The following CTNND2 variants were observed in gnomAD, a reference collection of about 807,000 sequenced individuals.
CTNND2 encodes catenin delta 2, also known as catenin delta-2.
CTNND2 carries 22 observed loss-of-function variants against 144.4 expected under a neutral mutation model. The ratio of observed to expected loss-of-function variants is 0.15; its 90% CI spans 0.11 to 0.22. The LOEUF is 0.22. CTNND2 is among the 10% of genes least tolerant of loss of function. The probability of loss-of-function intolerance (pLI) is 1.00; values close to 1 mark genes in which losing one functional copy is unlikely to be tolerated. For missense variants in CTNND2, 1,353 were observed against 1,618.8 expected, an observed-to-expected ratio of 0.84 and a Z score of 2.82; for synonymous variants, 751 against 695.6, an observed-to-expected ratio of 1.08 and a Z score of -1.25.
At chr5:11,585,539 G>T (rs182773623) in intron 2 of CTNND2, among the ~76,000 whole-genome samples, 2 of 144,450 alleles carry the variant, frequency 1.4e-5, no homozygotes, top group Admixed American at 6.9e-5. Context: ...ATTCTCATTT[G>T]TTTGTTCAGT....
At chr5:11,614,216 C>A (rs1005748150) in intron 2 of CTNND2, among the ~76,000 whole-genome samples, 2 of 152,022 alleles carry the variant, frequency 1.3e-5, no homozygotes, top group African/African-American at 4.8e-5. Flanking sequence ...TACTGATCAC[C>A]TTTTATGTAG....
intron 2 of CTNND2, among the ~76,000 whole-genome samples, chr5:11,601,010 C>A (rs1779762861): frequency 6.6e-6 from 1 of 151,852 alleles, no homozygotes; most frequent in Non-Finnish European, 1.5e-5. Context: ...ATTTGACTTG[C>A]ATAAAACAGC....
intron 1 of CTNND2, among the ~76,000 whole-genome samples, chr5:11,819,645 A>T (rs1053139250): frequency 1.3e-5 from 2 of 152,136 alleles, no homozygotes; most frequent in East Asian, 3.9e-4. Flanking sequence ...AGACCTACTT[A>T]GCAGTGGGAA....
rs141233453 is a variant in CTNND2 at position 11,803,737 on chromosome 5, C to T, written c.38-71465G>A. On this transcript the variant is annotated intron_variant, in intron 1 of 21. Transcript: ENST00000304623. ...CCACAAACTGTTTTTCTCACTGTTT[C>T]AAAGGGAGATCCTACGACCCATTGA... is the stretch of plus-strand genomic sequence containing the variant. Among the ~76,000 whole-genome samples the T allele has an allele frequency of 2.3e-4, 35 of 152,304 alleles. 1 individual carries two copies. The South Asian group carries it at 5.8e-3, about 25-fold the overall frequency.
At chr5:11,461,874 G>C (rs1766255043) in intron 3 of CTNND2, among the ~76,000 whole-genome samples, 1 of 151,436 alleles carries the variant, frequency 6.6e-6, no homozygotes, top group Admixed American at 6.6e-5. Context: ...TCTGGGTAAA[G>C]CTTAAAAATC....
chr5:10,989,391 C>T (rs1738410520), intron 19 of CTNND2, among the ~76,000 whole-genome samples: 1 of 152,160 alleles, frequency 6.6e-6, no homozygotes, highest in South Asian at 2.1e-4. Flanking sequence ...TATGGATGCC[C>T]AGAGCCCATC....
intron 12 of CTNND2, among the ~76,000 whole-genome samples, chr5:11,130,298 G>C (rs1755455550): frequency 6.6e-6 from 1 of 152,054 alleles, no homozygotes; most frequent in South Asian, 2.1e-4. Flanking sequence ...CATCAGAAAG[G>C]GACGGAGGGC....
intron 10 of CTNND2, 69 bp downstream of exon 10, chr5:11,236,622 T>A: frequency 6.6e-7 from 1 of 1,511,400 alleles, no homozygotes; most frequent in Non-Finnish European, 9.1e-7. Flanking sequence ...CTTTTCCCCA[T>A]CAACATTAAG....
chr5:11,864,662 G>T (rs1217682277), intron 1 of CTNND2, among the ~76,000 whole-genome samples: 1 of 152,048 alleles, frequency 6.6e-6, no homozygotes, highest in Non-Finnish European at 1.5e-5. Flanking sequence ...TTGTAGGGGG[G>T]CTCTCCTTTG....
intron 2 of CTNND2, among the ~76,000 whole-genome samples, chr5:11,595,354 T>C (rs534999345): frequency 4.6e-5 from 7 of 152,266 alleles, no homozygotes; most frequent in South Asian, 2.1e-4. Flanking sequence ...AATAGAACCA[T>C]TGGTACTAAG....
chr5:11,018,222 C>T (rs1051205757), intron 17 of CTNND2, among the ~76,000 whole-genome samples, 164 bp from the exon 18 acceptor site: 3 of 152,086 alleles, frequency 2.0e-5, no homozygotes, highest in Non-Finnish European at 4.4e-5. Context: ...TGGAGCACCA[C>T]GAACTGCACC....
chr5:11,557,201 A>T (rs1776301291), intron 3 of CTNND2, among the ~76,000 whole-genome samples: 1 of 152,298 alleles, frequency 6.6e-6, no homozygotes, highest in South Asian at 2.1e-4. Flanking sequence ...ATCATGCATA[A>T]CCAATCACCA....
chr5:11,501,534 G>C (rs1400481643), intron 3 of CTNND2, among the ~76,000 whole-genome samples: 2 of 152,226 alleles, frequency 1.3e-5, no homozygotes, highest in African/African-American at 4.8e-5. Context: ...TGGAAAGTCA[G>C]TGTTAGTGCA....
At chr5:11,357,934 G>GT in intron 8 of CTNND2, among the ~76,000 whole-genome samples, 1 of 152,114 alleles carries the variant, frequency 6.6e-6, no homozygotes, top group Non-Finnish European at 1.5e-5. Context: ...ATCTGCTAAT[G>GT]TGTAATTATG....
intron 3 of CTNND2, among the ~76,000 whole-genome samples, chr5:11,485,355 G>GTGTT (rs1195247936): frequency 2.4e-5 from 3 of 125,582 alleles, no homozygotes; most frequent in Admixed American, 8.1e-5. Flanking sequence ...CTGTGTGTGT[G>GTGTT]TGTGTGTGTG....
rs1272283880 is a variant in CTNND2, at chr5:11,271,484, TA to T, written c.1629-34662del. ...TTATTTAAATTCCTGGTTTATTGGGTATTTCCTTTCTTCCCTTCCTCCAAAT... is the reference window on the plus strand; with the variant it reads ...TTATTTAAATTCCTGGTTTATTGGGTTTTCCTTTCTTCCCTTCCTCCAAAT... On this transcript the variant is annotated intron_variant, in intron 9 of 21. Transcript: ENST00000304623. Among the ~76,000 whole-genome samples, 5 of 152,290 alleles carry T rather than the reference TA, an allele frequency of 3.3e-5. No individual in the cohort carries two copies. In the East Asian group the frequency reaches 9.6e-4, roughly 29 times the overall value.
intron 10 of CTNND2, among the ~76,000 whole-genome samples, chr5:11,203,621 C>T (rs940782665): frequency 6.6e-5 from 10 of 151,764 alleles, no homozygotes; most frequent in Non-Finnish European, 1.2e-4. Flanking sequence ...GCGATTTATC[C>T]GCCTCGGTCT....
intron 2 of CTNND2, among the ~76,000 whole-genome samples, chr5:11,647,669 G>T (rs1782430824): frequency 6.6e-6 from 1 of 151,798 alleles, no homozygotes; most frequent in African/African-American, 2.4e-5. Context: ...ATTCTTTCTG[G>T]GCTTCTCCAC....
chr5:11,566,269 G>T (rs1049871146), intron 2 of CTNND2, among the ~76,000 whole-genome samples: 4 of 152,164 alleles, frequency 2.6e-5, no homozygotes, highest in Admixed American at 1.3e-4. Flanking sequence ...TGCTGAAACT[G>T]AGGGAACATT....
Sources: gnomAD v4.1 joint callset for allele counts (sites outside exome capture counted in the v4.1 genomes callset) on GRCh38, gnomAD v4.1.1 for gene constraint, MANE v1.5 for transcripts, NCBI Gene and HGNC (gene_info 2026-07-23, HGNC 2026-07-21) for gene names.